The following HTR1F variants were observed in gnomAD, a reference collection of about 807,000 sequenced individuals.
HTR1F encodes the protein 5-hydroxytryptamine (serotonin) receptor 1F, G protein-coupled.
Under a neutral mutation model 24.0 loss-of-function variants are expected in HTR1F, and 17 were observed. The ratio of observed to expected loss-of-function variants is 0.71; its 90% CI spans 0.48 to 1.06. The LOEUF (loss-of-function observed/expected upper bound fraction) is 1.06. Among genes scored for constraint, HTR1F ranks in the 50% least tolerant of loss-of-function variants. The probability of loss-of-function intolerance (pLI) is 0.00; values close to 1 mark genes in which losing one functional copy is unlikely to be tolerated. For synonymous variants in HTR1F, 186 were observed against 156.8 expected, an observed-to-expected ratio of 1.19 and a Z score of -1.39; for missense variants, 391 against 427.8, an observed-to-expected ratio of 0.91 and a Z score of 0.76.
chr3:87,910,603 A>T (rs1415425996), intron 2 of HTR1F, among the ~76,000 whole-genome samples: 1 of 152,016 alleles, frequency 6.6e-6, no homozygotes, highest in Non-Finnish European at 1.5e-5. Context: ...ATCTAAACTC[A>T]ACATTGGACC....
intron 2 of HTR1F, among the ~76,000 whole-genome samples, chr3:87,851,967 CAAA>C (rs772352453): frequency 7.0e-5 from 7 of 99,478 alleles, no homozygotes; most frequent in Non-Finnish European, 6.5e-5. Flanking sequence ...ACATCCAAGC[CAAA>C]AAAAAAAAAA....
intron 2 of HTR1F, among the ~76,000 whole-genome samples, chr3:87,935,705 A>C (rs1179648647): frequency 6.6e-6 from 1 of 152,172 alleles, no homozygotes. Flanking sequence ...TTGTTGAAAA[A>C]TATTCTGAAA....
chr3:87,843,077 G>A (rs750556346), intron 2 of HTR1F, among the ~76,000 whole-genome samples: 5 of 151,768 alleles, frequency 3.3e-5, no homozygotes, highest in South Asian at 4.2e-4. Context: ...AATTGAAGCC[G>A]CTGAGGTTTT....
chr3:87,846,027 C>A (rs541827209), intron 2 of HTR1F, among the ~76,000 whole-genome samples: 1 of 151,816 alleles, frequency 6.6e-6, no homozygotes, highest in Non-Finnish European at 1.5e-5. Context: ...TAGCCATCTT[C>A]TAGGGCTAGG....
intron 2 of HTR1F, among the ~76,000 whole-genome samples, chr3:87,949,481 G>T (rs1373181467): frequency 6.6e-6 from 1 of 152,192 alleles, no homozygotes; most frequent in Non-Finnish European, 1.5e-5. Flanking sequence ...TGATGTATGC[G>T]TTAGGGAAAC....
chr3:87,909,571 G>A (rs1703732659), intron 2 of HTR1F, among the ~76,000 whole-genome samples: 1 of 152,000 alleles, frequency 6.6e-6, no homozygotes, highest in Middle Eastern at 3.4e-3. Context: ...AATTCAAGGG[G>A]CTTCGAGATA....
intron 1 of HTR1F, among the ~76,000 whole-genome samples, chr3:87,808,864 AC>A (rs1206198533): frequency 6.6e-6 from 1 of 151,696 alleles, no homozygotes; most frequent in Non-Finnish European, 1.5e-5. Context: ...TTCTTCCTTG[AC>A]CCAGTGGTTG....
intron 2 of HTR1F, among the ~76,000 whole-genome samples, chr3:87,937,716 G>A (rs1286851102): frequency 6.6e-6 from 1 of 152,084 alleles, no homozygotes; most frequent in Non-Finnish European, 1.5e-5. Flanking sequence ...AAGGTCAGGA[G>A]ATCAAGACCA....
chr3:87,881,451 C>A (rs572208663), intron 2 of HTR1F, among the ~76,000 whole-genome samples: 3 of 152,164 alleles, frequency 2.0e-5, no homozygotes, highest in Non-Finnish European at 4.4e-5. Flanking sequence ...GCAGAGCCCA[C>A]TGCAGCTCAG....
intron 2 of HTR1F, among the ~76,000 whole-genome samples, chr3:87,926,327 A>G (rs1704126099): frequency 6.6e-6 from 1 of 152,226 alleles, no homozygotes; most frequent in Non-Finnish European, 1.5e-5. Flanking sequence ...ATGCACAGAG[A>G]TAAAACTCCA....
In HTR1F at chr3:87,939,316, A is replaced by C. The variant is rs138281188; in HGVS notation, c.-42-51392A>C. On this transcript the variant is annotated intron_variant, in intron 2 of 2. Transcript: ENST00000319595. ...ATTTTCGCGTTGATGTTCATCAGGG[A>C]TATTGGCCTGAAATTTTCTGTTTTT... Among the ~76,000 whole-genome samples the C allele has an allele frequency of 3.0e-4, 46 of 152,242 alleles. 1 individual carries two copies. The East Asian group carries it at 8.9e-3, about 29-fold the overall frequency.
At chr3:87,957,820 A>G (rs1312334797) in intron 2 of HTR1F, among the ~76,000 whole-genome samples, 1 of 151,408 alleles carries the variant, frequency 6.6e-6, no homozygotes, top group Non-Finnish European at 1.5e-5. Context: ...AGTAATTAAA[A>G]TTAAAAGTAA....
Position 87,831,632 on chromosome 3 carries a change from G to C in HTR1F, c.-43+9508G>C, listed in dbSNP as rs548619884. On this transcript the variant is annotated intron_variant, in intron 2 of 2. Transcript: ENST00000319595. Reference sequence around the variant, plus strand: ...CTGCCTCAGCCTCCCAAAGTGCTGGGATTACAGGCGTGAGCCACTGCGCCC... The same window carrying C: ...CTGCCTCAGCCTCCCAAAGTGCTGGCATTACAGGCGTGAGCCACTGCGCCC... Among the ~76,000 whole-genome samples, 64 of 152,174 alleles carry C rather than the reference G, an allele frequency of 4.2e-4. No individual in the cohort carries two copies. The South Asian group carries it at 0.011, about 26-fold the overall frequency.
In HTR1F at chr3:87,858,402, C is replaced by T. The variant is rs17025072; in HGVS notation, c.-43+36278C>T. 8.5e-4 allele frequency among the ~76,000 whole-genome samples: 129 copies of T among 152,184 alleles called. 1 individual carries two copies. The East Asian group carries it at 0.022, about 26-fold the overall frequency. On this transcript the variant is annotated intron_variant, in intron 2 of 2. Coordinates refer to ENST00000319595, the MANE Select transcript of HTR1F (RefSeq NM_001322209.2). Reference sequence around the variant, plus strand: ...AGCCATCGTGTTACATTGTTTTGCCCGAGAAGACAGACCTGTTATTTTGAG... The same window carrying T: ...AGCCATCGTGTTACATTGTTTTGCCTGAGAAGACAGACCTGTTATTTTGAG...
At chr3:87,838,618 A>T (rs922454977) in intron 2 of HTR1F, among the ~76,000 whole-genome samples, 1 of 152,132 alleles carries the variant, frequency 6.6e-6, no homozygotes, top group African/African-American at 2.4e-5. Flanking sequence ...TTGTAGCTGA[A>T]GAGTTTTACA....
At chr3:87,967,878 G>C (rs927130450) in intron 2 of HTR1F, among the ~76,000 whole-genome samples, 2 of 152,152 alleles carry the variant, frequency 1.3e-5, no homozygotes, top group African/African-American at 4.8e-5. Context: ...GTAGGGCGCA[G>C]CTGTAAAGAT....
At chr3:87,805,881 T>TA (rs1236149903) in intron 1 of HTR1F, among the ~76,000 whole-genome samples, 1 of 152,078 alleles carries the variant, frequency 6.6e-6, no homozygotes, top group Admixed American at 6.6e-5. Context: ...CATTAGAACT[T>TA]ATGCCTTCTA....
intron 2 of HTR1F, among the ~76,000 whole-genome samples, chr3:87,837,813 T>A (rs1019299814): frequency 6.6e-6 from 1 of 152,066 alleles, no homozygotes; most frequent in South Asian, 2.1e-4. Context: ...TGGCATTGAA[T>A]GTATTACAGC....
At chr3:87,894,477 C>A (rs1706155703) in intron 2 of HTR1F, among the ~76,000 whole-genome samples, 1 of 151,320 alleles carries the variant, frequency 6.6e-6, no homozygotes, top group Non-Finnish European at 1.5e-5. Context: ...AGGCTGGCCT[C>A]AAACTCCTGA....
Sources: allele counts gnomAD v4.1 joint callset (sites outside exome capture counted in the v4.1 genomes callset), GRCh38; gene constraint gnomAD v4.1.1; transcripts MANE v1.5; gene names NCBI Gene and HGNC (gene_info 2026-07-23, HGNC 2026-07-21).